CHD2: variants seen among roughly 807,000 people sequenced by gnomAD.
The protein encoded by CHD2 is ATP-dependent chromatin remodeler CHD2.
A neutral mutation model predicts 243.9 loss-of-function variants in CHD2; 28 were observed. That is an observed-to-expected ratio of 0.11 (90% CI 0.09 to 0.16). The LOEUF is 0.16. Among genes scored for constraint, CHD2 ranks in the 10% least tolerant of loss-of-function variants. CHD2 has a pLI of 1.00. For synonymous variants in CHD2, 775 were observed against 779.0 expected, an observed-to-expected ratio of 0.99 and a Z score of 0.09; for missense variants, 1,386 against 2,209.8, an observed-to-expected ratio of 0.63 and a Z score of 7.47.
At chr15:92,993,652 ACGAAGAGAGGCCAGGCG>A (rs531867673) in intron 28 of CHD2, among the ~76,000 whole-genome samples, 1,801 of 152,312 alleles carry the variant, frequency 0.012, 22 homozygotes, top group South Asian at 0.031. Flanking sequence ...CTTTAAAGAA[ACGAAGAGAGGCCAGGCG>A]CAGTGGCTCA....
intron 34 of CHD2, among the ~76,000 whole-genome samples, chr15:93,008,491 G>A (rs182497942): frequency 3.9e-4 from 60 of 152,304 alleles, no homozygotes; most frequent in Non-Finnish European, 6.9e-4. Context: ...GAATTTTGCC[G>A]TGTAAGTCAG....
At position 92,997,024 on chromosome 15, in the gene CHD2, C is replaced by A; in HGVS notation, c.3663C>A (p.Ser1221=). Residue 1221 remains serine (S), a synonymous_variant, in exon 29 of 39, where the codon TCC becomes TCA. Transcript: ENST00000394196. This position sits in a 1 kb window ranked among gnomAD's most constrained non-coding sequence, Gnocchi z 4.1. ...KISGVQVNVK[S]IIQHEEEFEM... ...CCGGAGTTCAGGTTAATGTGAAATC[C>A]ATTATCCAACATGAAGAGGAGTTTG... 1 of 1,613,578 alleles carries A rather than the reference C, an allele frequency of 6.2e-7. No homozygotes were observed. Among genetic ancestry groups the A allele is most frequent in the East Asian group, 2.2e-5 (1 of 44,822 alleles).
chr15:92,905,027 C>G, intron 2 of CHD2: 1 of 1,526,432 alleles, frequency 6.6e-7, no homozygotes, highest in Non-Finnish European at 8.8e-7. Context: ...GTGCTAAGTA[C>G]TATATATTTA....
chr15:92,900,970 C>G, intron 1 of CHD2, 146 bp downstream of exon 1: 1 of 461,680 alleles, frequency 2.2e-6, no homozygotes. Context: ...AGAAAGTTTC[C>G]TTATTGATAG....
intron 13 of CHD2, among the ~76,000 whole-genome samples, chr15:92,953,078 A>G (rs1393671566): frequency 6.6e-6 from 1 of 152,244 alleles, no homozygotes; most frequent in Non-Finnish European, 1.5e-5. Flanking sequence ...AGCCTATGGA[A>G]GGTGATGTGA....
intron 5 of CHD2, among the ~76,000 whole-genome samples, chr15:92,933,750 C>T (rs1020555951): frequency 1.3e-5 from 2 of 152,150 alleles, no homozygotes; most frequent in Non-Finnish European, 2.9e-5. Flanking sequence ...GGACTGCAGG[C>T]GCACACCACC....
At chr15:92,940,135 A>T (rs2053335210) in intron 7 of CHD2, among the ~76,000 whole-genome samples, 1 of 152,198 alleles carries the variant, frequency 6.6e-6, no homozygotes, top group Non-Finnish European at 1.5e-5. Context: ...TACTAATAGG[A>T]TATGAAGCAT....
chr15:93,004,933 TTG>T (rs2054301356), intron 34 of CHD2, among the ~76,000 whole-genome samples, 182 bp downstream of exon 34: 1 of 152,172 alleles, frequency 6.6e-6, no homozygotes, highest in Non-Finnish European at 1.5e-5. Context: ...AGAGATTTTC[TTG>T]TCTTTTATTG....
At chr15:92,932,937 T>C (rs774047121) in intron 5 of CHD2, among the ~76,000 whole-genome samples, 2 of 152,058 alleles carry the variant, frequency 1.3e-5, no homozygotes, top group Non-Finnish European at 1.5e-5. Context: ...GACATGGGGT[T>C]TCACCATGTT....
chr15:92,956,323 T>C, intron 15 of CHD2, 136 bp from the exon 16 acceptor site: 1 of 648,730 alleles, frequency 1.5e-6, no homozygotes. Flanking sequence ...AGAGGCCTAA[T>C]ATATATTGTC....
At chr15:92,918,606 C>T (rs961395364) in intron 2 of CHD2, among the ~76,000 whole-genome samples, 4 of 151,934 alleles carry the variant, frequency 2.6e-5, no homozygotes, top group African/African-American at 9.7e-5. Flanking sequence ...TCAGTTTGAC[C>T]CTTTCTATTA....
chr15:92,946,846 C>G (rs1210932152), intron 12 of CHD2: 1 of 151,966 alleles, frequency 6.6e-6, no homozygotes, highest in Non-Finnish European at 1.5e-5. Flanking sequence ...ACCTGTGGTT[C>G]CAGCTACTTG....
intron 26 of CHD2, among the ~76,000 whole-genome samples, chr15:92,987,852 A>T (rs2054064564): frequency 6.6e-6 from 1 of 151,924 alleles, no homozygotes; most frequent in Non-Finnish European, 1.5e-5. Context: ...CTTAAAAAAA[A>T]AACTTTTTTT....
intron 5 of CHD2, among the ~76,000 whole-genome samples, chr15:92,929,705 T>C (rs2053129749): frequency 6.6e-6 from 1 of 152,138 alleles, no homozygotes; most frequent in African/African-American, 2.4e-5. Context: ...TTGGAGAGGG[T>C]GTGGATCCCG....
In CHD2 at chr15:93,005,923, G is replaced by A. The variant is rs568921390; in HGVS notation, c.4413+1172G>A. On this transcript the variant is annotated intron_variant, in intron 34 of 38. Transcript: ENST00000394196. ...TATGGTACCATGATATTTAAAAAAT[G>A]CTCTTACAAATGACTCATTTAATCT... Among the ~76,000 whole-genome samples the A allele has an allele frequency of 9.9e-5, 15 of 152,150 alleles. No homozygotes were observed. In the South Asian group the frequency reaches 3.1e-3, roughly 32 times the overall value.
chr15:92,930,068 G>A (rs1184008127), intron 5 of CHD2, among the ~76,000 whole-genome samples: 1 of 152,162 alleles, frequency 6.6e-6, no homozygotes, highest in Admixed American at 6.5e-5. Flanking sequence ...TTTCATTTGT[G>A]TTTTGGAGAA....
intron 16 of CHD2, among the ~76,000 whole-genome samples, chr15:92,960,567 A>G (rs1473740855): frequency 1.3e-5 from 2 of 152,108 alleles, no homozygotes; most frequent in Non-Finnish European, 2.9e-5. Context: ...AGTATATTAC[A>G]TTAATTGCTT....
intron 2 of CHD2, among the ~76,000 whole-genome samples, chr15:92,912,532 T>TTTTTG (rs1012951449): frequency 9.2e-5 from 14 of 151,884 alleles, no homozygotes; most frequent in South Asian, 2.1e-4. Context: ...AATTTTTGTA[T>TTTTTG]TTTTGTTTTG....
intron 16 of CHD2, among the ~76,000 whole-genome samples, chr15:92,959,368 C>G (rs553450330): frequency 1.3e-5 from 2 of 152,346 alleles, no homozygotes; most frequent in South Asian, 4.1e-4. Context: ...GTTGTTGAAA[C>G]TCAGTTGACA....
Sources: allele counts gnomAD v4.1 joint callset (sites outside exome capture counted in the v4.1 genomes callset), GRCh38; gene constraint gnomAD v4.1.1; non-coding constraint Gnocchi (gnomAD v3.1); transcripts MANE v1.5; gene names NCBI Gene and HGNC (gene_info 2026-07-23, HGNC 2026-07-21).